The following RNGTT variants were observed in gnomAD, a reference collection of about 807,000 sequenced individuals.
The protein encoded by RNGTT is RNA guanylyltransferase and 5'-phosphatase.
RNGTT carries 33 observed loss-of-function variants against 79.3 expected under a neutral mutation model. The ratio of observed to expected loss-of-function variants is 0.42; its 90% CI spans 0.32 to 0.56. RNGTT has a LOEUF of 0.56. Among genes scored for constraint, RNGTT ranks in the 20% least tolerant of loss-of-function variants. The pLI, the probability that RNGTT is intolerant of heterozygous loss-of-function variation, is 0.17. For missense variants in RNGTT, 497 were observed against 739.1 expected, an observed-to-expected ratio of 0.67 and a Z score of 3.80; for synonymous variants, 222 against 235.9, an observed-to-expected ratio of 0.94 and a Z score of 0.54.
chr6:88,643,852 G>A (rs551157874), intron 14 of RNGTT, among the ~76,000 whole-genome samples: 32 of 152,176 alleles, frequency 2.1e-4, no homozygotes, highest in African/African-American at 5.1e-4. Context: ...CATTTAAAGC[G>A]GTGTGTAGAG....
chr6:88,660,490 A>T (rs540634151), intron 14 of RNGTT, among the ~76,000 whole-genome samples: 18 of 151,662 alleles, frequency 1.2e-4, no homozygotes, highest in Non-Finnish European at 2.4e-4. Flanking sequence ...ATGAACACCA[A>T]AAGTGAGCAG....
intron 1 of RNGTT, among the ~76,000 whole-genome samples, chr6:88,961,497 T>C (rs1238123375): frequency 6.6e-6 from 1 of 151,908 alleles, no homozygotes; most frequent in Non-Finnish European, 1.5e-5. Flanking sequence ...AGTGCAGTGG[T>C]GCAATCTCAG....
rs1309797566 is a variant in RNGTT at position 88,610,029 on chromosome 6, TA to T, written c.*2689del. Among the ~76,000 whole-genome samples the T allele has an allele frequency of 2.0e-5, 3 of 152,198 alleles. No homozygotes were observed. The highest frequency in any genetic ancestry group is 4.4e-5 in the Non-Finnish European group (3 of 68,034). On this transcript the variant is annotated 3_prime_UTR_variant, in exon 16 of 16. Transcript: ENST00000369485. ...GAAGAGAAATAATATAAACATCATA[TA>T]AAGATGTGCTTTCTCCCATTCCTCT...
At chr6:88,665,466 C>T (rs1196579390) in intron 14 of RNGTT, among the ~76,000 whole-genome samples, 1 of 152,222 alleles carries the variant, frequency 6.6e-6, no homozygotes, top group African/African-American at 2.4e-5. Context: ...GGACTACAGG[C>T]CAGTACAGGA....
chr6:88,952,297 A>G (rs1362183047), intron 1 of RNGTT, among the ~76,000 whole-genome samples: 1 of 152,006 alleles, frequency 6.6e-6, no homozygotes, highest in Non-Finnish European at 1.5e-5. Context: ...GCCCATATCC[A>G]CCTAATCCTT....
chr6:88,711,774 G>A (rs191481028), intron 13 of RNGTT, among the ~76,000 whole-genome samples: 3 of 152,290 alleles, frequency 2.0e-5, no homozygotes, highest in African/African-American at 4.8e-5. Context: ...GCAGTAAGGA[G>A]CATTTGTTAG....
At chr6:88,889,417 A>G (rs954685488) in intron 8 of RNGTT, among the ~76,000 whole-genome samples, 5 of 152,186 alleles carry the variant, frequency 3.3e-5, no homozygotes, top group Admixed American at 1.3e-4. Flanking sequence ...TTCTCCATAT[A>G]TATCTTTTAA....
intron 12 of RNGTT, among the ~76,000 whole-genome samples, chr6:88,779,905 A>C (rs1779007638): frequency 6.6e-6 from 1 of 152,180 alleles, no homozygotes; most frequent in Non-Finnish European, 1.5e-5. Context: ...AAGGCAGGAA[A>C]ATTGCTTGAA....
chr6:88,655,154 T>C (rs1172860809), intron 14 of RNGTT, among the ~76,000 whole-genome samples: 3 of 152,212 alleles, frequency 2.0e-5, no homozygotes, highest in East Asian at 1.9e-4. Context: ...TCATTACTAA[T>C]AGGTTTCCTA....
chr6:88,875,797 C>A (rs1272516441), intron 8 of RNGTT, among the ~76,000 whole-genome samples: 1 of 151,656 alleles, frequency 6.6e-6, no homozygotes, highest in East Asian at 1.9e-4. Context: ...CACTAGTATT[C>A]AAAAAAAACT....
intron 12 of RNGTT, among the ~76,000 whole-genome samples, chr6:88,794,204 G>C (rs960197044): frequency 8.5e-5 from 13 of 152,180 alleles, no homozygotes; most frequent in African/African-American, 2.7e-4. Flanking sequence ...AGTTTCTGAA[G>C]AGAATATGCA....
chr6:88,767,710 T>G, intron 13 of RNGTT, among the ~76,000 whole-genome samples: 1 of 139,714 alleles, frequency 7.2e-6, no homozygotes, highest in Non-Finnish European at 1.5e-5. Context: ...AAAAACAGCG[T>G]AGCCCCACTA....
chr6:88,879,622 T>C (rs1782632430), intron 8 of RNGTT, among the ~76,000 whole-genome samples: 1 of 152,194 alleles, frequency 6.6e-6, no homozygotes, highest in Non-Finnish European at 1.5e-5. Flanking sequence ...AATGTATACA[T>C]TTAGTAAATT....
chr6:88,927,249 A>T (rs184104107), intron 4 of RNGTT, among the ~76,000 whole-genome samples: 7 of 152,344 alleles, frequency 4.6e-5, no homozygotes, highest in Non-Finnish European at 7.4e-5. Flanking sequence ...TTGGGCAGGC[A>T]TGGTGGTTCA....
At chr6:88,749,250 T>C (rs559511587) in intron 13 of RNGTT, among the ~76,000 whole-genome samples, 10 of 152,114 alleles carry the variant, frequency 6.6e-5, no homozygotes, top group Non-Finnish European at 1.3e-4. Flanking sequence ...GTTGTAAATA[T>C]GTAGGAAAAG....
chr6:88,726,151 G>GT (rs1026492021), intron 13 of RNGTT, among the ~76,000 whole-genome samples: 1 of 152,140 alleles, frequency 6.6e-6, no homozygotes, highest in African/African-American at 2.4e-5. Context: ...CTATGACCCT[G>GT]TAACACTCCA....
chr6:88,731,278 A>G (rs1170956047), intron 13 of RNGTT, among the ~76,000 whole-genome samples: 1 of 152,212 alleles, frequency 6.6e-6, no homozygotes, highest in Non-Finnish European at 1.5e-5. Flanking sequence ...TAGCTAGACT[A>G]AAAGAAACCT....
At chr6:88,793,343 T>C (rs1173520856) in intron 12 of RNGTT, among the ~76,000 whole-genome samples, 1 of 152,182 alleles carries the variant, frequency 6.6e-6, no homozygotes, top group Non-Finnish European at 1.5e-5. Context: ...GTTACCAAAA[T>C]AGGTAGTTGT....
chr6:88,678,217 A>T (rs550032511), intron 14 of RNGTT, 136 bp downstream of exon 14: 1 of 1,332,964 alleles, frequency 7.5e-7, no homozygotes, highest in African/African-American at 1.5e-5. Flanking sequence ...TCCTGGGCTC[A>T]AGTGATCCAC....
Sources: allele counts gnomAD v4.1 joint callset (sites outside exome capture counted in the v4.1 genomes callset), GRCh38; gene constraint gnomAD v4.1.1; transcripts MANE v1.5; gene names NCBI Gene and HGNC (gene_info 2026-07-23, HGNC 2026-07-21).